The following POTEF variants were observed in gnomAD, a reference collection of about 807,000 sequenced individuals.
The protein encoded by POTEF is ANKRD26-like family C member 1B.
In POTEF, 20 loss-of-function variants were observed where a neutral mutation model predicts 83.2. The ratio of observed to expected loss-of-function variants is 0.24; its 90% CI spans 0.17 to 0.35. The LOEUF (loss-of-function observed/expected upper bound fraction) is 0.35. POTEF is among the 10% of genes least tolerant of loss of function. The pLI is 1.00. For synonymous variants in POTEF, 196 were observed against 446.4 expected, an observed-to-expected ratio of 0.44 and a Z score of 7.07; for missense variants, 550 against 1,203.2, an observed-to-expected ratio of 0.46 and a Z score of 8.03.
Position 130,075,763 on chromosome 2 carries a change from G to A in POTEF, c.1900-191C>T, listed in dbSNP as rs1418721044. ...TTCCTCCAGTGATTTATTTTTCATC[G>A]TCTTTAAATAAATATTTAAACTTTT... On this transcript the variant is annotated intron_variant, in intron 16 of 16. Transcript: ENST00000409914. Among the ~76,000 whole-genome samples the A allele has an allele frequency of 8.6e-5, 12 of 140,272 alleles. No homozygotes were observed. The East Asian group carries it at 1.3e-3, about 15-fold the overall frequency. The allele number at this position is 140,272 out of a possible 152,430, so 92.0% of individuals were successfully genotyped here.
chr2:130,098,789 A>T (rs1684321004), intron 11 of POTEF, among the ~76,000 whole-genome samples: 1 of 107,354 alleles, frequency 9.3e-6, no homozygotes, highest in Non-Finnish European at 1.8e-5. Flanking sequence ...AATCTACACA[A>T]ATATCCTTTA....
Position 130,074,939 on chromosome 2 carries a change from A to C in POTEF, c.2533T>G (p.Ser845Ala), listed in dbSNP as rs979135774. Residue 845 changes from serine to alanine, a missense_variant, in exon 17 of 17, where the codon TCT becomes GCT. Coordinates refer to ENST00000409914, the MANE Select transcript of POTEF (RefSeq NM_001099771.2). ...AIQAVLSLYTSGRTTGIVMDS... is the reference protein window; with the variant it reads ...AIQAVLSLYTAGRTTGIVMDS... ...ATCACGATGCCAGTAGTACGGCCAGAGGTGTACAGGGACAGCACAGCCTGG... is the reference window on the plus strand; with the variant it reads ...ATCACGATGCCAGTAGTACGGCCAGCGGTGTACAGGGACAGCACAGCCTGG... 3 of 1,607,032 alleles carry C rather than the reference A, an allele frequency of 1.9e-6. No individual in the cohort carries two copies. Among genetic ancestry groups the C allele is most frequent in the Non-Finnish European group, 2.5e-6 (3 of 1,178,286 alleles).
intron 2 of POTEF, chr2:130,120,845 G>A (rs1418138960): frequency 1.4e-5 from 6 of 421,450 alleles, no homozygotes; most frequent in African/African-American, 1.3e-4. Context: ...AAAGGAACAC[G>A]AGAGAGAAAA....
chr2:130,129,132 A>C lies in POTEF; in HGVS notation c.-310T>G. 1.1e-5 allele frequency: 1 copy of C among 91,096 alleles called. No individual in the cohort carries two copies. The highest frequency in any genetic ancestry group is 2.2e-5 in the Non-Finnish European group (1 of 44,716). 5.6% of individuals were successfully genotyped at this position (91,096 alleles called of 1,614,324 possible). ...GCAGTGTCCCACGTCACCACCAAAC[A>C]CAGCAAGGCGAGCCCCAGGGGCTCA... On this transcript the variant is annotated 5_prime_UTR_variant, in exon 1 of 17. Transcript: ENST00000409914.
chr2:130,116,622 TGTTA>T (rs527372815), intron 3 of POTEF, among the ~76,000 whole-genome samples: 2 of 95,476 alleles, frequency 2.1e-5, no homozygotes, highest in Non-Finnish European at 2.1e-5. Context: ...TCTCTTCCTT[TGTTA>T]GTTTGCTAAG....
chr2:130,105,056 A>G (rs1684481567), intron 8 of POTEF, among the ~76,000 whole-genome samples: 1 of 149,124 alleles, frequency 6.7e-6, no homozygotes, highest in Admixed American at 6.7e-5. Context: ...GTTAAATACT[A>G]CTGTACAACC....
chr2:130,123,167 G>A (rs11687145), intron 2 of POTEF, among the ~76,000 whole-genome samples: 70,585 of 134,036 alleles, frequency 0.53, 19,551 homozygotes, highest in Admixed American at 0.67. Flanking sequence ...ACCTATCAAT[G>A]CAAACCAGGA....
intron 2 of POTEF, among the ~76,000 whole-genome samples, chr2:130,122,696 ATTTC>A: frequency 6.6e-6 from 1 of 151,338 alleles, no homozygotes; most frequent in Middle Eastern, 3.4e-3. Context: ...GTCACTTTCA[ATTTC>A]TTTCATCAAT....
intron 8 of POTEF, among the ~76,000 whole-genome samples, chr2:130,104,742 T>G (rs1684469634): frequency 6.6e-6 from 1 of 151,296 alleles, no homozygotes; most frequent in Non-Finnish European, 1.5e-5. Context: ...TATTCATCTT[T>G]ATCCATTAAG....
Position 130,075,414 on chromosome 2 carries a change from C to A in POTEF, c.2058G>T (p.Arg686Ser). Residue 686 changes from arginine to serine, a missense_variant, in exon 17 of 17, where the codon AGG (arginine) becomes AGT (serine). By Grantham distance (110) the Arg-to-Ser change is moderately radical. Transcript: ENST00000409914. ...GTAGAGCCTTTAAAAGATTATCATT[C>A]CTTTTTTTCACACTTTCAATATCCT... ...YLEDIESVKK[R>S]NDNLLKALQL... The A allele has an allele frequency of 6.2e-7, 1 of 1,611,600 alleles. No homozygotes were observed. Among genetic ancestry groups the A allele is most frequent in the Non-Finnish European group, 8.5e-7 (1 of 1,179,688 alleles).
chr2:130,075,339 G>A lies in POTEF; in HGVS notation c.2133C>T (p.Asp711=), dbSNP rs980705774. Residue 711 remains aspartate, a synonymous_variant, in exon 17 of 17, where the codon GAC becomes GAT. Transcript: ENST00000409914. ...MDDDTAVLVI[D]NGSGMCKAGF... ...CGGCCTTGCACATGCCAGAGCCGTTGTCAATGACGAGCACAGCGGTATCAT... is the reference window on the plus strand; with the variant it reads ...CGGCCTTGCACATGCCAGAGCCGTTATCAATGACGAGCACAGCGGTATCAT... 7 of 1,612,428 alleles carry A rather than the reference G, an allele frequency of 4.3e-6. No homozygotes were observed. The African/African-American group carries it at 9.4e-5, about 22-fold the overall frequency.
At position 130,121,421 on chromosome 2, in the gene POTEF, G is replaced by A. The variant is rs1315387905; in HGVS notation, c.-93-813C>T. Among the ~76,000 whole-genome samples, 3 of 128,118 alleles carry A rather than the reference G, an allele frequency of 2.3e-5. No homozygotes were observed. In the South Asian group the frequency reaches 8.7e-4, roughly 37 times the overall value. The allele number at this position is 128,118 out of a possible 152,430, so 84.1% of individuals were successfully genotyped here. On this transcript the variant is annotated intron_variant, in intron 2 of 16. Coordinates refer to ENST00000409914, the MANE Select transcript of POTEF (RefSeq NM_001099771.2). ...CACTCCTGGCGGTGCTGTTGTGCAT[G>A]GCAGCAGCTGCAGCTGGGAGCTCGG...
chr2:130,128,503 A>T (rs1480007368), intron 1 of POTEF, among the ~76,000 whole-genome samples: 2 of 123,852 alleles, frequency 1.6e-5, no homozygotes, highest in Non-Finnish European at 3.5e-5. Flanking sequence ...CCCGGACAGC[A>T]CACCCACCAC....
chr2:130,114,226 G>C (rs1573612759), intron 5 of POTEF, among the ~76,000 whole-genome samples: 1 of 151,216 alleles, frequency 6.6e-6, no homozygotes, highest in Non-Finnish European at 1.5e-5. Context: ...ACTGAAAACT[G>C]TCATTCTCTA....
intron 8 of POTEF, among the ~76,000 whole-genome samples, chr2:130,107,348 A>C (rs879051186): frequency 1.9e-4 from 28 of 151,060 alleles, no homozygotes; most frequent in South Asian, 4.1e-4. Flanking sequence ...AATAGTGAGA[A>C]CTTATTGGGA....
In POTEF at chr2:130,129,174, A is replaced by ATCCGTCGG. The variant is rs1685177021; in HGVS notation, c.-353_-352insCCGACGGA. ...AGGGGCTCAGGCTCCAGCCTCCAGC[A>ATCCGTCGG]TGCCGCTCCCTTCTACTCGTCTTCC... On this transcript the variant is annotated 5_prime_UTR_variant, in exon 1 of 17. It adds an upstream start codon to the 5' untranslated region. Transcript: ENST00000409914. 1 of 36,250 alleles carries ATCCGTCGG rather than the reference A, an allele frequency of 2.8e-5. No individual in the cohort carries two copies. The highest frequency in any genetic ancestry group is 6.5e-5 in the Non-Finnish European group (1 of 15,342). 2.2% of individuals were successfully genotyped at this position (36,250 alleles called of 1,614,324 possible). A position where few individuals can be genotyped will look rare whatever the true frequency, so the allele number is the denominator to read the frequency against.
intron 2 of POTEF, among the ~76,000 whole-genome samples, chr2:130,123,240 T>A (rs554860533): frequency 6.8e-6 from 1 of 146,084 alleles, no homozygotes; most frequent in African/African-American, 2.6e-5. Context: ...TTTTAAACTT[T>A]CTTTGTCAAT....
intron 2 of POTEF, among the ~76,000 whole-genome samples, chr2:130,124,977 TTAAA>T (rs1384585690): frequency 4.0e-5 from 6 of 151,488 alleles, no homozygotes; most frequent in Admixed American, 2.6e-4. Flanking sequence ...GCTCACTCTC[TTAAA>T]TAATTTTGCC....
In POTEF at chr2:130,075,258, G is replaced by C; in HGVS notation, c.2214C>G (p.Pro738=). The change falls in exon 17 of 17, where the codon CCC becomes CCG. Residue 738 remains proline, a synonymous_variant. Coordinates refer to ENST00000409914, the MANE Select transcript of POTEF (RefSeq NM_001099771.2). Reference sequence around the variant, plus strand: ...TGCCCCCCATCATGCCCTGCTGCCTGGGGCGCCCCACGATGGAAGGGAAGA... The same window carrying C: ...TGCCCCCCATCATGCCCTGCTGCCTCGGGCGCCCCACGATGGAAGGGAAGA... ...RAVFPSIVGR[P]RQQGMMGGMH... 1 of 1,612,448 alleles carries C rather than the reference G, an allele frequency of 6.2e-7. No individual in the cohort carries two copies. The highest frequency in any genetic ancestry group is 1.1e-5 in the South Asian group (1 of 91,000).
Sources: gnomAD v4.1 joint callset for allele counts (sites outside exome capture counted in the v4.1 genomes callset) on GRCh38, gnomAD v4.1.1 for gene constraint, MANE v1.5 for transcripts, NCBI Gene and HGNC (gene_info 2026-07-23, HGNC 2026-07-21) for gene names.